KMT2E: variants seen among roughly 807,000 people sequenced by gnomAD.
The protein encoded by KMT2E is histone reader KMT2E.
In KMT2E, 30 loss-of-function variants were observed where a neutral mutation model predicts 184.6. The observed-to-expected ratio is 0.16, with a 90% confidence interval of 0.12 to 0.22. KMT2E has a LOEUF of 0.22. Among genes scored for constraint, KMT2E ranks in the 10% least tolerant of loss-of-function variants. KMT2E has a pLI of 1.00. For synonymous variants in KMT2E, 815 were observed against 776.5 expected (o/e 1.05, Z -0.82); for missense variants, 2,023 against 2,237.4 (o/e 0.90, Z 1.93).
rs181657809 is a variant in KMT2E, at chr7:105,036,432, G to A, written c.-188-1694G>A. Among the ~76,000 whole-genome samples the A allele has an allele frequency of 3.1e-4, 47 of 152,206 alleles. 1 individual carries two copies. The highest frequency in any genetic ancestry group is 3.4e-3 in the Middle Eastern group (1 of 294). On this transcript the variant is annotated intron_variant, in intron 1 of 26. Coordinates refer to ENST00000311117, the MANE Select transcript of KMT2E (RefSeq NM_182931.3). ...GACCCACCCGCCTAGGCCTCCCAAAGTGCTGGGATTACAAGTGTGAGCCAC... is the reference window on the plus strand; with the variant it reads ...GACCCACCCGCCTAGGCCTCCCAAAATGCTGGGATTACAAGTGTGAGCCAC...
intron 13 of KMT2E, among the ~76,000 whole-genome samples, chr7:105,087,342 C>T (rs1048875145): frequency 6.8e-6 from 1 of 146,360 alleles, no homozygotes; most frequent in African/African-American, 2.5e-5. Context: ...TATGCTAGCT[C>T]ATGTTGAATG....
intron 1 of KMT2E, among the ~76,000 whole-genome samples, chr7:105,028,224 A>G (rs138729398): frequency 0.027 from 4,009 of 149,612 alleles, 75 homozygotes; most frequent in Middle Eastern, 0.045. Flanking sequence ...GCTGGAGTGC[A>G]GTGGTGTGAT....
chr7:105,114,846 TAGA>T lies in KMT2E; in HGVS notation c.*1518_*1520del, dbSNP rs1444968750. Among the ~76,000 whole-genome samples, 1 of 152,204 alleles carries T rather than the reference TAGA, an allele frequency of 6.6e-6. No homozygotes were observed. The highest frequency in any genetic ancestry group is 2.4e-5 in the African/African-American group (1 of 41,458). On this transcript the variant is annotated 3_prime_UTR_variant, in exon 27 of 27. Transcript: ENST00000311117. Reference sequence around the variant, plus strand: ...CAATCCTAATCACAGCTTCAAATTTTAGAAGAACATATAGGCCAAGTTTGCCAT... The same window carrying T: ...CAATCCTAATCACAGCTTCAAATTTTAGAACATATAGGCCAAGTTTGCCAT...
Position 105,073,453 on chromosome 7 carries a change from A to G in KMT2E, c.498-166A>G, listed in dbSNP as rs1797409328. On this transcript the variant is annotated intron_variant, in intron 6 of 26. Coordinates refer to ENST00000311117, the MANE Select transcript of KMT2E (RefSeq NM_182931.3). Reference sequence around the variant, plus strand: ...AAATGGAGTCATCTATCTGGCATCTACTGCTACTATTAGATTGTATGTAAA... The same window carrying G: ...AAATGGAGTCATCTATCTGGCATCTGCTGCTACTATTAGATTGTATGTAAA... 2.0e-5 allele frequency among the ~76,000 whole-genome samples: 3 copies of G among 151,738 alleles called. 1 individual carries two copies. The highest frequency in any genetic ancestry group is 7.3e-5 in the African/African-American group (3 of 41,334).
intron 1 of KMT2E, among the ~76,000 whole-genome samples, chr7:105,026,597 G>C (rs1795187058): frequency 6.6e-6 from 1 of 152,162 alleles, no homozygotes; most frequent in African/African-American, 2.4e-5. Flanking sequence ...ATGTAAGCCT[G>C]TAATTGGTGT....
intron 2 of KMT2E, among the ~76,000 whole-genome samples, chr7:105,040,586 T>G (rs1289089177): frequency 6.6e-6 from 1 of 152,170 alleles, no homozygotes; most frequent in Non-Finnish European, 1.5e-5. Context: ...AATGAATAAT[T>G]TTTGGTTCTT....
intron 17 of KMT2E, chr7:105,103,571 G>A (rs545230407): frequency 1.3e-5 from 2 of 152,248 alleles, no homozygotes; most frequent in South Asian, 4.1e-4. Context: ...CATGGTCATA[G>A]TGTAAATGGC....
At chr7:105,078,816 T>C (rs1180857371) in intron 11 of KMT2E, 30 bp from the exon 12 acceptor site, 1 of 1,307,676 alleles carries the variant, frequency 7.6e-7, no homozygotes, top group South Asian at 1.2e-5. Flanking sequence ...CCTAAAATGT[T>C]AATAGCTTAT....
At chr7:105,015,698 T>C (rs1584677100) in intron 1 of KMT2E, among the ~76,000 whole-genome samples, 1 of 152,212 alleles carries the variant, frequency 6.6e-6, no homozygotes, top group Admixed American at 6.5e-5. Context: ...GATGTTGTGG[T>C]AATCTAATCA....
chr7:105,063,725 A>G, intron 5 of KMT2E, 145 bp downstream of exon 5: 3 of 598,790 alleles, frequency 5.0e-6, no homozygotes, highest in East Asian at 2.9e-5. Context: ...AGTCCTAGAA[A>G]AAGCCTCCTA....
At chr7:105,028,250 C>T (rs1795253995) in intron 1 of KMT2E, among the ~76,000 whole-genome samples, 1 of 151,296 alleles carries the variant, frequency 6.6e-6, no homozygotes, top group South Asian at 2.1e-4. Context: ...CTCACTGCAA[C>T]CTCCGCCTCC....
At chr7:105,051,604 C>T (rs1796350488) in intron 3 of KMT2E, among the ~76,000 whole-genome samples, 1 of 151,906 alleles carries the variant, frequency 6.6e-6, no homozygotes, top group Non-Finnish European at 1.5e-5. Flanking sequence ...ACTGGGTCCT[C>T]CTTCAAAGTA....
chr7:105,026,001 A>G (rs976768021), intron 1 of KMT2E, among the ~76,000 whole-genome samples: 1 of 152,202 alleles, frequency 6.6e-6, no homozygotes, highest in Non-Finnish European at 1.5e-5. Flanking sequence ...GGAACAAGAA[A>G]CCAGAATTCT....
chr7:105,085,166 T>A (rs1404852770), intron 13 of KMT2E, among the ~76,000 whole-genome samples: 3 of 152,108 alleles, frequency 2.0e-5, no homozygotes, highest in Middle Eastern at 3.2e-3. Context: ...AACTATAATG[T>A]GCACAGTTCA....
intron 4 of KMT2E, among the ~76,000 whole-genome samples, chr7:105,063,014 T>C (rs1584746328): frequency 6.8e-6 from 1 of 146,672 alleles, no homozygotes. Context: ...TTTTTTTTTT[T>C]AACACTTCTA....
rs1447452510 is a variant in KMT2E, at chr7:105,110,663, C to A, written c.3970+61C>A. The A allele has an allele frequency of 2.5e-6, 4 of 1,606,006 alleles. No homozygotes were observed. The African/African-American group carries it at 5.4e-5, about 22-fold the overall frequency. On this transcript the variant is annotated intron_variant, in intron 25 of 26. Coordinates refer to ENST00000311117, the MANE Select transcript of KMT2E (RefSeq NM_182931.3). ...CAAATTTTAAAATCAGACAAGAGAG[C>A]CTTTATAAAAAGTTGGTTTGGATAG...
chr7:105,051,008 T>C (rs1441701992), intron 3 of KMT2E, among the ~76,000 whole-genome samples: 1 of 152,102 alleles, frequency 6.6e-6, no homozygotes, highest in East Asian at 1.9e-4. Flanking sequence ...TTTACAGGCA[T>C]GAGTCACAGC....
At chr7:105,051,054 TTTCC>T (rs950658748) in intron 3 of KMT2E, among the ~76,000 whole-genome samples, 4 of 151,236 alleles carry the variant, frequency 2.6e-5, no homozygotes, top group African/African-American at 7.3e-5. Flanking sequence ...TCCTTCTTTC[TTTCC>T]TTTTCTTTCT....
At chr7:105,022,432 A>G (rs1039185315) in intron 1 of KMT2E, among the ~76,000 whole-genome samples, 1 of 152,106 alleles carries the variant, frequency 6.6e-6, no homozygotes. Context: ...ATTTTTGGCT[A>G]GAATACTAGA....
Sources: allele counts gnomAD v4.1 joint callset (sites outside exome capture counted in the v4.1 genomes callset), GRCh38; gene constraint gnomAD v4.1.1; transcripts MANE v1.5; gene names NCBI Gene and HGNC (gene_info 2026-07-23, HGNC 2026-07-21).